RFPL1: variants seen among roughly 807,000 people sequenced by gnomAD.
RFPL1 encodes the protein ret finger protein like 1, also known as ret finger protein-like 1.
A neutral mutation model predicts 9.6 loss-of-function variants in RFPL1; 6 were observed. That is an observed-to-expected ratio of 0.62 (90% CI 0.34 to 1.23). The LOEUF (loss-of-function observed/expected upper bound fraction) is 1.23, where lower values mean the gene tolerates loss of function less well. Among genes scored for constraint, RFPL1 ranks in the 50% most tolerant of loss-of-function variants. The pLI is 0.03. For missense variants in RFPL1, 352 were observed against 398.4 expected (o/e 0.88, Z 0.99); for synonymous variants, 145 against 149.4 (o/e 0.97, Z 0.22).
chr22:29,436,533 G>C (rs1161874558), upstream of RFPL1: 1 of 150,846 alleles, frequency 6.6e-6, no homozygotes, highest in African/African-American at 2.4e-5. Context: ...CCAGGAGCCG[G>C]ATGTTGCAGT....
At chr22:29,402,579 C>T in the RFPL1 span, among the ~76,000 whole-genome samples, 4 of 151,984 alleles carry the variant, frequency 2.6e-5, no homozygotes, top group East Asian at 7.7e-4. Context: ...GGGACCAGGG[C>T]TCTAGGAGTT....
chr22:29,396,552 G>A, the RFPL1 span, among the ~76,000 whole-genome samples: 1 of 152,202 alleles, frequency 6.6e-6, no homozygotes, highest in Non-Finnish European at 1.5e-5. Context: ...CAAGGTTGCT[G>A]TAGAGATTAA....
At chr22:29,406,236 C>T in the RFPL1 span, among the ~76,000 whole-genome samples, 5 of 147,198 alleles carry the variant, frequency 3.4e-5, no homozygotes, top group South Asian at 6.8e-4. Context: ...CTCCCCTGCC[C>T]GGGAGCCATA....
At chr22:29,422,445 G>A in the RFPL1 span, among the ~76,000 whole-genome samples, 1 of 152,174 alleles carries the variant, frequency 6.6e-6, no homozygotes, top group African/African-American at 2.4e-5. Flanking sequence ...AGGCATGGTG[G>A]TGCATGCCTG....
upstream of RFPL1, chr22:29,437,728 G>T (rs1441967722): frequency 6.9e-6 from 11 of 1,589,190 alleles, no homozygotes; most frequent in Non-Finnish European, 8.5e-6. Context: ...TCCAGCAGAA[G>T]AGGTGAGCCC....
the RFPL1 span, among the ~76,000 whole-genome samples, chr22:29,410,636 T>TCTATCTATATATAGATATA: frequency 6.0e-5 from 6 of 100,500 alleles, no homozygotes; most frequent in Admixed American, 1.0e-4. Context: ...GATAGATATA[T>TCTATCTATATATAGATATA]TGTAGATATA....
chr22:29,400,618 G>C, the RFPL1 span, among the ~76,000 whole-genome samples: 1 of 149,580 alleles, frequency 6.7e-6, no homozygotes, highest in Non-Finnish European at 1.5e-5. Flanking sequence ...TCATCTTTAT[G>C]GGGGGGGAAT....
exon 1 of RFPL1, chr22:29,438,708 C>CG (rs2062821282): frequency 7.1e-6 from 11 of 1,550,156 alleles, no homozygotes; most frequent in African/African-American, 4.1e-5. Flanking sequence ...TCTCTGAAGA[C>CG]GGGGGGTGGG....
the RFPL1 span, among the ~76,000 whole-genome samples, chr22:29,388,901 T>A: frequency 1.3e-5 from 2 of 152,002 alleles, no homozygotes; most frequent in Non-Finnish European, 2.9e-5. Context: ...TGAAATAGGG[T>A]CTTGCTCTGT....
the RFPL1 span, among the ~76,000 whole-genome samples, chr22:29,401,737 C>T: frequency 3.3e-5 from 5 of 152,306 alleles, no homozygotes; most frequent in South Asian, 2.1e-4. Flanking sequence ...CGCAGAGTGA[C>T]GTCACTGCAA....
chr22:29,429,201 C>T, the RFPL1 span, among the ~76,000 whole-genome samples: 1 of 152,094 alleles, frequency 6.6e-6, no homozygotes. Context: ...ACTATAGGTG[C>T]ACACCATCAT....
At chr22:29,425,280 C>A in the RFPL1 span, among the ~76,000 whole-genome samples, 4 of 151,980 alleles carry the variant, frequency 2.6e-5, no homozygotes, top group African/African-American at 9.7e-5. Flanking sequence ...ACCCACTTCA[C>A]TTTGTCCCTT....
chr22:29,421,923 C>A, the RFPL1 span, among the ~76,000 whole-genome samples: 17 of 152,276 alleles, frequency 1.1e-4, no homozygotes, highest in East Asian at 2.3e-3. Flanking sequence ...CAGTAAAAAC[C>A]AGCTAGACCA....
rs371464361 is a variant in RFPL1 at position 29,438,854 on chromosome 22, G to A, written c.63G>A (p.Leu21=). ...CACCTCACGGAAATTTTCTTCCCTT[G>A]TGCACTTTTCCCCTGGCAGTGGACA... The change falls in exon 1 of 2, where the codon TTG becomes TTA. Residue 21 remains leucine (L), a synonymous_variant. Coordinates refer to ENST00000354373, the Ensembl canonical transcript of RFPL1. 9 of 1,613,808 alleles carry A rather than the reference G, an allele frequency of 5.6e-6. No homozygotes were observed. In the African/African-American group the frequency reaches 1.1e-4, roughly 19 times the overall value.
chr22:29,396,831 C>T, the RFPL1 span, among the ~76,000 whole-genome samples: 1 of 151,842 alleles, frequency 6.6e-6, no homozygotes, highest in African/African-American at 2.4e-5. Context: ...TCAAGTGATC[C>T]ACCCACCTTG....
the RFPL1 span, among the ~76,000 whole-genome samples, chr22:29,418,436 G>A: frequency 6.6e-6 from 1 of 151,640 alleles, no homozygotes; most frequent in African/African-American, 2.4e-5. Flanking sequence ...ATATCATCTG[G>A]CCACTTAAGA....
chr22:29,433,033 G>A, the RFPL1 span: 26,755 of 152,138 alleles, frequency 0.18, 2,568 homozygotes, highest in African/African-American at 0.23. Flanking sequence ...ATTGGCTCAC[G>A]CCTGTAATCC....
At chr22:29,407,592 T>C in the RFPL1 span, among the ~76,000 whole-genome samples, 1 of 151,808 alleles carries the variant, frequency 6.6e-6, no homozygotes, top group East Asian at 1.9e-4. Context: ...AAAATAAATA[T>C]AGGCCTATTC....
the RFPL1 span, among the ~76,000 whole-genome samples, chr22:29,429,109 G>A: frequency 1.3e-5 from 2 of 152,268 alleles, no homozygotes; most frequent in Non-Finnish European, 2.9e-5. Context: ...AGTCTGGAGT[G>A]CAGTGGCATG....
Sources: allele counts gnomAD v4.1 joint callset (sites outside exome capture counted in the v4.1 genomes callset), GRCh38; gene constraint gnomAD v4.1.1; transcripts MANE v1.5; gene names NCBI Gene and HGNC (gene_info 2026-07-23, HGNC 2026-07-21).